Variants in EXPH5 observed in about 807,000 individuals in gnomAD.
The protein encoded by EXPH5 is exophilin-5.
A neutral mutation model predicts 41.1 loss-of-function variants in EXPH5; 42 were observed. The ratio of observed to expected loss-of-function variants is 1.02; its 90% CI spans 0.80 to 1.32. EXPH5 has a LOEUF of 1.32. Ranked by LOEUF, EXPH5 falls within the 40% of genes most tolerant of loss-of-function variation. The pLI is 0.00. For missense variants in EXPH5, 2,298 were observed against 2,314.5 expected, an observed-to-expected ratio of 0.99 and a Z score of 0.15; for synonymous variants, 798 against 833.5, an observed-to-expected ratio of 0.96 and a Z score of 0.73.
At chr11:108,520,954 A>G (rs1163139428) in intron 4 of EXPH5, among the ~76,000 whole-genome samples, 1 of 152,202 alleles carries the variant, frequency 6.6e-6, no homozygotes, top group Non-Finnish European at 1.5e-5. Context: ...TTTTGTCTTC[A>G]TAACCTTGCA....
intron 1 of EXPH5, among the ~76,000 whole-genome samples, chr11:108,580,450 T>C (rs1002133549): frequency 6.6e-6 from 1 of 151,948 alleles, no homozygotes; most frequent in African/African-American, 2.4e-5. Context: ...TCTTATACAC[T>C]GTTGGTGGGG....
chr11:108,573,197 A>AG lies in EXPH5; in HGVS notation c.119+20220_119+20221insC, dbSNP rs1565830781. ...GAAAGAAAGAAAGAAAGAAAGAAAG[A>AG]AAAAGAAAGAAAGAAAGAAAGAAAG... On this transcript the variant is annotated intron_variant, in intron 1 of 5. Coordinates refer to ENST00000265843, the MANE Select transcript of EXPH5 (RefSeq NM_015065.3). Among the ~76,000 whole-genome samples the AG allele has an allele frequency of 7.3e-3, 825 of 113,390 alleles. 16 individuals are homozygous for AG. The highest frequency in any genetic ancestry group is 0.072 in the East Asian group (245 of 3,424). 74.4% of individuals were successfully genotyped at this position (113,390 alleles called of 152,430 possible).
chr11:108,593,094 C>G (rs952967091), intron 1 of EXPH5, among the ~76,000 whole-genome samples: 4 of 152,234 alleles, frequency 2.6e-5, no homozygotes, highest in African/African-American at 9.6e-5. Flanking sequence ...CGGCCCACGC[C>G]CCGCGATGGC....
chr11:108,518,804 G>A (rs1370896036), intron 4 of EXPH5, among the ~76,000 whole-genome samples: 1 of 152,148 alleles, frequency 6.6e-6, no homozygotes, highest in Non-Finnish European at 1.5e-5. Context: ...TAAAGATCTT[G>A]CTGATAAAAC....
intron 1 of EXPH5, among the ~76,000 whole-genome samples, chr11:108,551,761 C>T (rs1241621168): frequency 1.3e-5 from 2 of 152,146 alleles, no homozygotes; most frequent in Non-Finnish European, 2.9e-5. Context: ...CCAATTACAT[C>T]AAATCCTGTG....
chr11:108,519,460 A>T (rs910990291), intron 4 of EXPH5, among the ~76,000 whole-genome samples: 2 of 152,064 alleles, frequency 1.3e-5, no homozygotes, highest in African/African-American at 4.8e-5. Flanking sequence ...AAGATTTGTG[A>T]ACTTGGCCGC....
the EXPH5 span, among the ~76,000 whole-genome samples, chr11:108,604,586 C>T: frequency 6.6e-6 from 1 of 152,020 alleles, no homozygotes; most frequent in South Asian, 2.1e-4. Flanking sequence ...GAGCCTTACC[C>T]CTTTTCTATA....
chr11:108,572,662 G>A (rs1297305779), intron 1 of EXPH5, among the ~76,000 whole-genome samples: 1 of 152,122 alleles, frequency 6.6e-6, no homozygotes, highest in Non-Finnish European at 1.5e-5. Context: ...AGGTTCAAGC[G>A]ATTCTCCTGC....
In EXPH5 at chr11:108,529,275, G is replaced by A. The variant is rs115690905; in HGVS notation, c.444-1091C>T. 6.7e-3 allele frequency among the ~76,000 whole-genome samples: 1,015 copies of A among 152,270 alleles called. 9 individuals carry two copies. Among genetic ancestry groups the A allele is most frequent in the African/African-American group, 0.023 (963 of 41,558 alleles). On this transcript the variant is annotated intron_variant, in intron 3 of 5. Coordinates refer to ENST00000265843, the MANE Select transcript of EXPH5 (RefSeq NM_015065.3). ...TTTTACTATTTGTGTTGCTTTCTCA[G>A]ATTCAACGAGAAGGTGACAAATTTA...
intron 1 of EXPH5, among the ~76,000 whole-genome samples, chr11:108,545,147 C>T (rs1197665843): frequency 6.6e-6 from 1 of 152,144 alleles, no homozygotes; most frequent in African/African-American, 2.4e-5. Context: ...GGCATGGTGG[C>T]TCACACCAGT....
At position 108,541,641 on chromosome 11, in the gene EXPH5, C is replaced by A. The variant is rs1164917940; in HGVS notation, c.280+11G>T. On this transcript the variant is annotated intron_variant, in intron 2 of 5. Transcript: ENST00000265843. ...AAGAAATCAACTTTAAATCTAAAAT[C>A]TTTTTCTTACCATTTTTTGCCATCT... is the stretch of plus-strand genomic sequence containing the variant. The A allele has an allele frequency of 2.5e-6, 4 of 1,578,858 alleles. No homozygotes were observed. Among genetic ancestry groups the A allele is most frequent in the Admixed American group, 1.8e-5 (1 of 56,190 alleles).
chr11:108,532,459 C>T (rs1429881149), intron 3 of EXPH5, among the ~76,000 whole-genome samples: 1 of 138,390 alleles, frequency 7.2e-6, no homozygotes, highest in African/African-American at 2.8e-5. Flanking sequence ...AAGTGATCTG[C>T]CTGCCTTGAC....
intron 1 of EXPH5, among the ~76,000 whole-genome samples, chr11:108,551,447 T>A (rs1434815758): frequency 6.6e-6 from 1 of 152,252 alleles, no homozygotes; most frequent in Non-Finnish European, 1.5e-5. Flanking sequence ...GTTCCCTTTA[T>A]CAGCTCCTCT....
At chr11:108,601,878 C>T in the EXPH5 span, among the ~76,000 whole-genome samples, 6 of 152,032 alleles carry the variant, frequency 3.9e-5, no homozygotes, top group East Asian at 3.9e-4. Flanking sequence ...CCTCCCACGT[C>T]GCTGGGTCTA....
At chr11:108,527,104 G>C (rs933833000) in intron 4 of EXPH5, among the ~76,000 whole-genome samples, 1 of 152,164 alleles carries the variant, frequency 6.6e-6, no homozygotes, top group Non-Finnish European at 1.5e-5. Flanking sequence ...AGGATCTCTT[G>C]AGGCCAGGAG....
At chr11:108,566,553 T>C (rs1006940406) in intron 1 of EXPH5, among the ~76,000 whole-genome samples, 6 of 152,172 alleles carry the variant, frequency 3.9e-5, no homozygotes, top group Non-Finnish European at 7.3e-5. Context: ...TGTCACTGGG[T>C]TATAAATAAG....
intron 1 of EXPH5, among the ~76,000 whole-genome samples, chr11:108,588,985 G>A (rs1168208188): frequency 1.3e-5 from 2 of 152,182 alleles, no homozygotes; most frequent in Admixed American, 1.3e-4. Context: ...GAGATCCGTG[G>A]TGTGTTAATC....
At chr11:108,570,944 T>C (rs944434848) in intron 1 of EXPH5, among the ~76,000 whole-genome samples, 31 of 152,240 alleles carry the variant, frequency 2.0e-4, no homozygotes, top group Non-Finnish European at 1.0e-4. Context: ...GTGCAAGTTG[T>C]TTTTAAGAAA....
rs1162886213 is a variant in EXPH5, at chr11:108,511,909, T to C, written c.3598A>G (p.Arg1200Gly). ...EKEGKMAASR[R>G]SVFALSNEDP... ...TCATTTGAAAGAGCAAATACACTTC[T>C]CCTGGAGGCAGCCATTTTACCCTCT... The change falls in exon 6 of 6, where the codon AGA (arginine) becomes GGA (glycine). Residue 1200 changes from arginine (R) to glycine (G), a missense_variant. Physicochemically the swap from Arg to Gly is moderately radical, Grantham distance 125. Coordinates refer to ENST00000265843, the MANE Select transcript of EXPH5 (RefSeq NM_015065.3). 6.3e-7 allele frequency: 1 copy of C among 1,595,436 alleles called. No homozygotes were observed. Among genetic ancestry groups the C allele is most frequent in the East Asian group, 2.2e-5 (1 of 44,842 alleles).
Sources: gnomAD v4.1 joint callset for allele counts (sites outside exome capture counted in the v4.1 genomes callset) on GRCh38, gnomAD v4.1.1 for gene constraint, MANE v1.5 for transcripts, NCBI Gene and HGNC (gene_info 2026-07-23, HGNC 2026-07-21) for gene names.